Variants in FHIT observed in about 807,000 individuals in gnomAD.
The protein encoded by FHIT is fragile histidine triad diadenosine triphosphatase.
FHIT carries 19 observed loss-of-function variants against 17.9 expected under a neutral mutation model. That is an observed-to-expected ratio of 1.06 (90% CI 0.74 to 1.56). FHIT has a LOEUF of 1.56. Ranked by LOEUF, FHIT falls within the 40% of genes most tolerant of loss-of-function variation. The probability of loss-of-function intolerance (pLI) is 0.00; values close to 1 mark genes in which losing one functional copy is unlikely to be tolerated. For missense variants in FHIT, 248 were observed against 189.2 expected (o/e 1.31, Z -1.82); for synonymous variants, 81 against 69.7 (o/e 1.16, Z -0.81).
At chr3:60,686,215 G>A (rs7650320) in intron 4 of FHIT, among the ~76,000 whole-genome samples, 1 of 152,096 alleles carries the variant, frequency 6.6e-6, no homozygotes, top group Non-Finnish European at 1.5e-5. Context: ...CATGTATATA[G>A]TGTGTTGTTT....
intron 3 of FHIT, among the ~76,000 whole-genome samples, chr3:60,893,221 T>C (rs1312934950): frequency 1.3e-5 from 2 of 152,106 alleles, no homozygotes; most frequent in Non-Finnish European, 2.9e-5. Flanking sequence ...CCTTGGTAAG[T>C]TTCCCCTAGT....
At chr3:60,111,299 G>C (rs1056345141) in intron 5 of FHIT, among the ~76,000 whole-genome samples, 1 of 152,156 alleles carries the variant, frequency 6.6e-6, no homozygotes, top group African/African-American at 2.4e-5. Flanking sequence ...TAAAGTCCTA[G>C]CTTAAATCTG....
intron 4 of FHIT, among the ~76,000 whole-genome samples, chr3:60,651,862 T>A (rs763920333): frequency 4.6e-5 from 7 of 152,168 alleles, no homozygotes; most frequent in Non-Finnish European, 7.3e-5. Flanking sequence ...AGTGTTCTGG[T>A]TCACACTGGT....
intron 3 of FHIT, among the ~76,000 whole-genome samples, chr3:60,893,652 T>C (rs970287675): frequency 6.6e-6 from 1 of 152,180 alleles, no homozygotes; most frequent in Admixed American, 6.5e-5. Flanking sequence ...TAGAATAACT[T>C]CTGCTAAGCT....
chr3:60,597,101 A>G (rs1179378447), intron 4 of FHIT, among the ~76,000 whole-genome samples: 3 of 152,124 alleles, frequency 2.0e-5, no homozygotes, highest in African/African-American at 7.2e-5. Context: ...GAATTAAAGT[A>G]TGCCTATTTA....
At chr3:60,014,834 T>C (rs1700280543) in intron 5 of FHIT, among the ~76,000 whole-genome samples, 1 of 152,160 alleles carries the variant, frequency 6.6e-6, no homozygotes, top group African/African-American at 2.4e-5. Flanking sequence ...TTTATTCAAA[T>C]AAAGCATTCT....
At chr3:60,476,007 C>T (rs773788886) in intron 5 of FHIT, among the ~76,000 whole-genome samples, 2 of 152,088 alleles carry the variant, frequency 1.3e-5, no homozygotes, top group South Asian at 4.1e-4. Context: ...ATACAATTCC[C>T]GAAATAGTAG....
chr3:61,049,841 G>A lies in FHIT; in HGVS notation c.-163-7742C>T, dbSNP rs571116577. On this transcript the variant is annotated intron_variant, in intron 2 of 9. Transcript: ENST00000492590. ...AACCAATGGAAGGATTTTTTTGAGC[G>A]TCCCCTGGAGCAGGTCATAAGACCA... Among the ~76,000 whole-genome samples the A allele has an allele frequency of 1.8e-3, 270 of 152,156 alleles. 1 individual carries two copies. The highest frequency in any genetic ancestry group is 2.7e-3 in the Non-Finnish European group (187 of 68,016).
At chr3:59,905,518 A>C (rs1044051313) in intron 8 of FHIT, among the ~76,000 whole-genome samples, 4 of 152,214 alleles carry the variant, frequency 2.6e-5, no homozygotes, top group Non-Finnish European at 5.9e-5. Context: ...AGCCTTTTAT[A>C]GGTGTGTGCA....
rs141805552 is a variant in FHIT, at chr3:60,765,988, T to G, written c.-18+55931A>C. Among the ~76,000 whole-genome samples, 204 of 152,294 alleles carry G rather than the reference T, an allele frequency of 1.3e-3. 1 individual carries two copies. Among genetic ancestry groups the G allele is most frequent in the African/African-American group, 4.1e-3 (169 of 41,546 alleles). On this transcript the variant is annotated intron_variant, in intron 4 of 9. Coordinates refer to ENST00000492590, the MANE Select transcript of FHIT (RefSeq NM_002012.4). ...AGTGGCTCAGACTTTGGCCACAGTC[T>G]GAAGCCTGCACTGTCAGCTTTTCTG...
intron 5 of FHIT, among the ~76,000 whole-genome samples, chr3:60,286,318 TAG>T (rs1424153372): frequency 2.0e-5 from 3 of 152,216 alleles, no homozygotes; most frequent in Admixed American, 6.5e-5. Context: ...TGGAATAAAT[TAG>T]AGTCATTAGC....
chr3:60,924,000 G>C (rs1236729786), intron 3 of FHIT, among the ~76,000 whole-genome samples: 1 of 152,110 alleles, frequency 6.6e-6, no homozygotes, highest in African/African-American at 2.4e-5. Context: ...AGGCGGCAGC[G>C]AGGCTTGGGG....
chr3:60,781,649 C>T (rs1248814933), intron 4 of FHIT, among the ~76,000 whole-genome samples: 17 of 152,146 alleles, frequency 1.1e-4, no homozygotes, highest in Admixed American at 3.3e-4. Flanking sequence ...CTAGCTCTCT[C>T]TACTTTGCTA....
intron 4 of FHIT, among the ~76,000 whole-genome samples, chr3:60,558,677 G>A (rs1358381243): frequency 6.6e-6 from 1 of 152,148 alleles, no homozygotes; most frequent in Non-Finnish European, 1.5e-5. Context: ...ATACCAGGAA[G>A]GGCCCAGGCC....
At chr3:60,007,666 C>A (rs1216524309) in intron 7 of FHIT, among the ~76,000 whole-genome samples, 1 of 152,158 alleles carries the variant, frequency 6.6e-6, no homozygotes, top group South Asian at 2.1e-4. Flanking sequence ...CCATGGGAGC[C>A]TTTAGAAATA....
intron 8 of FHIT, among the ~76,000 whole-genome samples, chr3:59,892,274 A>T (rs577832557): frequency 2.5e-4 from 38 of 152,240 alleles, no homozygotes; most frequent in Non-Finnish European, 5.1e-4. Context: ...AATTGCGCTC[A>T]GGAGTCCAGT....
At chr3:59,885,893 A>G (rs906338887) in intron 8 of FHIT, among the ~76,000 whole-genome samples, 1 of 152,208 alleles carries the variant, frequency 6.6e-6, no homozygotes, top group Non-Finnish European at 1.5e-5. Flanking sequence ...GCAGGCCTCA[A>G]CCAAGAGCAC....
At chr3:61,086,949 C>A (rs1334974339) in intron 2 of FHIT, among the ~76,000 whole-genome samples, 2 of 152,106 alleles carry the variant, frequency 1.3e-5, no homozygotes, top group African/African-American at 4.8e-5. Flanking sequence ...CTTGTTCACT[C>A]CTCTCCCACC....
intron 5 of FHIT, among the ~76,000 whole-genome samples, chr3:60,316,042 C>A (rs757125286): frequency 6.6e-6 from 1 of 152,140 alleles, no homozygotes; most frequent in Non-Finnish European, 1.5e-5. Context: ...TCAATGATGT[C>A]TACTGTCATG....
Sources: allele counts gnomAD v4.1 joint callset (sites outside exome capture counted in the v4.1 genomes callset), GRCh38; gene constraint gnomAD v4.1.1; transcripts MANE v1.5; gene names NCBI Gene and HGNC (gene_info 2026-07-23, HGNC 2026-07-21).